The following TMPPE variants were observed in gnomAD, a reference collection of about 807,000 sequenced individuals.
TMPPE encodes the protein transmembrane protein with metallophosphoesterase domain.
TMPPE carries 16 observed loss-of-function variants against 22.6 expected under a neutral mutation model. The ratio of observed to expected loss-of-function variants is 0.71; its 90% CI spans 0.48 to 1.08. TMPPE has a LOEUF of 1.08. Ranked by LOEUF, TMPPE falls within the 50% of genes least tolerant of loss-of-function variation. The probability of loss-of-function intolerance (pLI) is 0.00; values close to 1 mark genes in which losing one functional copy is unlikely to be tolerated. For missense variants in TMPPE, 526 were observed against 584.3 expected (o/e 0.90, Z 1.03); for synonymous variants, 240 against 245.3 (o/e 0.98, Z 0.20).
In TMPPE at chr3:33,091,012, A is replaced by G; in HGVS notation, c.*1822T>C. ...GATGTAAAATCAAGAAACCAGTGAAATAACACGTAACAGGTGAGTCAAACA... is the reference window on the plus strand; with the variant it reads ...GATGTAAAATCAAGAAACCAGTGAAGTAACACGTAACAGGTGAGTCAAACA... On this transcript the variant is annotated 3_prime_UTR_variant, in exon 2 of 2. Transcript: ENST00000342462. 1.0e-6 allele frequency: 1 copy of G among 985,452 alleles called. No homozygotes were observed. Among genetic ancestry groups the G allele is most frequent in the African/African-American group, 1.7e-5 (1 of 57,366 alleles). 61.0% of individuals were successfully genotyped at this position (985,452 alleles called of 1,614,324 possible). A position where few individuals can be genotyped will look rare whatever the true frequency, so the allele number is the denominator to read the frequency against.
rs539359285 is a variant in TMPPE, at chr3:33,095,186, G to C, written c.-108-883C>G. ...AGATCGTGCCACTGCACTCCAGCCT[G>C]GGCAAAAGAGCGAGACTCTGTCTCA... On this transcript the variant is annotated intron_variant, in intron 1 of 1. Coordinates refer to ENST00000342462, the MANE Select transcript of TMPPE (RefSeq NM_001039770.3). Among the ~76,000 whole-genome samples, 7 of 135,410 alleles carry C rather than the reference G, an allele frequency of 5.2e-5. No homozygotes were observed. The East Asian group carries it at 1.3e-3, about 26-fold the overall frequency. The allele number at this position is 135,410 out of a possible 152,430, so 88.8% of individuals were successfully genotyped here. A position where few individuals can be genotyped will look rare whatever the true frequency, so the allele number is the denominator to read the frequency against.
At chr3:33,096,534 G>A (rs1214714425) in intron 1 of TMPPE, 185 bp downstream of exon 1, 1 of 985,316 alleles carries the variant, frequency 1.0e-6, no homozygotes, top group Non-Finnish European at 1.2e-6. Flanking sequence ...GCACCCAGAG[G>A]GGAAATAACC....
Position 33,091,830 on chromosome 3 carries a change from T to C in TMPPE, c.*1004A>G, listed in dbSNP as rs1700776490. The C allele has an allele frequency of 1.0e-6, 1 of 985,420 alleles. No individual in the cohort carries two copies. The highest frequency in any genetic ancestry group is 1.2e-6 in the Non-Finnish European group (1 of 829,968). 61.0% of individuals were successfully genotyped at this position (985,420 alleles called of 1,614,324 possible). A position where few individuals can be genotyped will look rare whatever the true frequency, so the allele number is the denominator to read the frequency against. On this transcript the variant is annotated 3_prime_UTR_variant, in exon 2 of 2. Coordinates refer to ENST00000342462, the MANE Select transcript of TMPPE (RefSeq NM_001039770.3). ...CCAGCAGGAAACCAGCCCAGCCCTGTCTTCTCAGTGAGGCCTTTTCTAACA... is the reference window on the plus strand; with the variant it reads ...CCAGCAGGAAACCAGCCCAGCCCTGCCTTCTCAGTGAGGCCTTTTCTAACA...
rs761192929 is a variant in TMPPE, at chr3:33,092,912, G to A, written c.1284C>T (p.Gly428=). ...TCATGGGTATCCCGTAGTAGGCTGT[G>A]CCTGGGCTGACATACACGAATGTAG... ...AQATFVYVSP[G]TAYYGIPMRL... The change falls in exon 2 of 2, where the codon GGC becomes GGT. Residue 428 remains glycine (G), a synonymous_variant. Transcript: ENST00000342462. The A allele has an allele frequency of 1.2e-6, 2 of 1,614,196 alleles. No homozygotes were observed. The highest frequency in any genetic ancestry group is 1.1e-5 in the South Asian group (1 of 91,086).
In TMPPE at chr3:33,090,588, G is replaced by C; in HGVS notation, c.*2246C>G. ...AAAGAATGATCAAGCTTCAAGTAAC[G>C]TTTCTCACCACCTCCCCCGGCCACA... On this transcript the variant is annotated 3_prime_UTR_variant, in exon 2 of 2. Coordinates refer to ENST00000342462, the MANE Select transcript of TMPPE (RefSeq NM_001039770.3). 1 of 985,300 alleles carries C rather than the reference G, an allele frequency of 1.0e-6. No homozygotes were observed. Among genetic ancestry groups the C allele is most frequent in the East Asian group, 1.1e-4 (1 of 8,814 alleles). The allele number at this position is 985,300 out of a possible 1,614,324, so 61.0% of individuals were successfully genotyped here. A position where few individuals can be genotyped will look rare whatever the true frequency, so the allele number is the denominator to read the frequency against.
chr3:33,093,851 G>A lies in TMPPE; in HGVS notation c.345C>T (p.Ser115=). The change falls in exon 2 of 2, where the codon TCC becomes TCT. Residue 115 remains serine (S), a synonymous_variant. Transcript: ENST00000342462. The surrounding 1 kb of genome is among the most constrained non-coding windows in gnomAD (Gnocchi z 6.0). ...FLVAEEPYLF[S]LAAYSCLGAY... ...CACCCAGGCAGGAGTAGGCCGCCAA[G>A]GAAAAGAGATAGGGCTCTTCGGCCA... is the stretch of plus-strand genomic sequence containing the variant. 6.2e-7 allele frequency: 1 copy of A among 1,613,740 alleles called. No individual in the cohort carries two copies. Among genetic ancestry groups the A allele is most frequent in the Non-Finnish European group, 8.5e-7 (1 of 1,179,814 alleles).
rs992755520 is a variant in TMPPE at position 33,093,351 on chromosome 3, G to T, written c.845C>A (p.Thr282Lys). ...TGCAAACCAGTTGCTGACATCTGAC[G>T]TGTAGTACTCATGATTGCCTGTGAC... ...YFVTGNHEYY[T>K]SDVSNWFALL... Residue 282 changes from threonine (T) to lysine (K), a missense_variant, in exon 2 of 2, where the codon ACG becomes AAG. By Grantham distance (78) the Thr-to-Lys change is moderately conservative (BLOSUM62 -1). Coordinates refer to ENST00000342462, the MANE Select transcript of TMPPE (RefSeq NM_001039770.3). This position sits in a 1 kb window ranked among gnomAD's most constrained non-coding sequence, Gnocchi z 6.0. 19 of 1,614,052 alleles carry T rather than the reference G, an allele frequency of 1.2e-5. No individual in the cohort carries two copies. The highest frequency in any genetic ancestry group is 1.6e-5 in the Non-Finnish European group (19 of 1,180,040).
chr3:33,093,598 G>C lies in TMPPE; in HGVS notation c.598C>G (p.Leu200Val). The part of the protein sequence containing the change: ...VKTVEVPIHQ[L>V]PASMNNLKIV... ...TTGAGGTTGTTCATTGAGGCAGGCAGCTGATGGATGGGCACCTCCACAGTT... is the reference window on the plus strand; with the variant it reads ...TTGAGGTTGTTCATTGAGGCAGGCACCTGATGGATGGGCACCTCCACAGTT... The change falls in exon 2 of 2, where the codon CTG (leucine) becomes GTG (valine). Residue 200 changes from leucine (L) to valine (V), a missense_variant. Leu to Val is a conservative substitution (Grantham distance 32, BLOSUM62 1). Coordinates refer to ENST00000342462, the MANE Select transcript of TMPPE (RefSeq NM_001039770.3). This position sits in a 1 kb window ranked among gnomAD's most constrained non-coding sequence, Gnocchi z 6.0. 6.2e-7 allele frequency: 1 copy of C among 1,614,188 alleles called. No individual in the cohort carries two copies. The highest frequency in any genetic ancestry group is 8.5e-7 in the Non-Finnish European group (1 of 1,180,028).
At position 33,093,999 on chromosome 3, in the gene TMPPE, C is replaced by T. The variant is rs1295528940; in HGVS notation, c.197G>A (p.Ser66Asn). ...GGAGTGGCAGAGGTTGCTCACTGTG[C>T]TGCGCCAAATGTAGAGGGAGCCAAT... ...LLIGSLYIWR[S>N]TVSNLCHSPA... The change falls in exon 2 of 2, where the codon AGC becomes AAC. Residue 66 changes from serine (S) to asparagine (N), a missense_variant. Coordinates refer to ENST00000342462, the MANE Select transcript of TMPPE (RefSeq NM_001039770.3). The surrounding 1 kb of genome is among the most constrained non-coding windows in gnomAD (Gnocchi z 6.0). 1.8e-5 allele frequency: 29 copies of T among 1,614,182 alleles called. No homozygotes were observed. Among genetic ancestry groups the T allele is most frequent in the Non-Finnish European group, 2.4e-5 (28 of 1,180,020 alleles).
intron 1 of TMPPE, chr3:33,096,490 G>C (rs1701033592): frequency 2.0e-6 from 2 of 985,056 alleles, no homozygotes; most frequent in Admixed American, 1.2e-4. Flanking sequence ...GACGGGGAGT[G>C]GTGAGAAAGG....
rs776617871 is a variant in TMPPE at position 33,093,487 on chromosome 3, C to T, written c.709G>A (p.Glu237Lys). The T allele has an allele frequency of 1.5e-5, 25 of 1,614,192 alleles. No individual in the cohort carries two copies. The highest frequency in any genetic ancestry group is 2.0e-5 in the Non-Finnish European group (24 of 1,180,044). ...CCCACAATCACCGTGATGTCTGGTT[C>T]CAGCACATTCACCATCCTCACAAAC... is the stretch of plus-strand genomic sequence containing the variant. ...EMFVRMVNVLEPDITVIVGDL... is the reference protein window; with the variant it reads ...EMFVRMVNVLKPDITVIVGDL... Residue 237 changes from glutamate to lysine, a missense_variant, in exon 2 of 2, where the codon GAA becomes AAA. Physicochemically the swap from Glu to Lys is moderately conservative, Grantham distance 56 (BLOSUM62 1). Transcript: ENST00000342462. The surrounding 1 kb of genome is among the most constrained non-coding windows in gnomAD (Gnocchi z 6.0).
In TMPPE at chr3:33,091,141, G is replaced by A. The variant is rs1013358820; in HGVS notation, c.*1693C>T. ...GGAGTAAGGATGATTCACAAAATGC[G>A]GTCGGGACACAAGAAAAGTGAGTTT... On this transcript the variant is annotated 3_prime_UTR_variant, in exon 2 of 2. Transcript: ENST00000342462. 55 of 985,240 alleles carry A rather than the reference G, an allele frequency of 5.6e-5. No individual in the cohort carries two copies. The highest frequency in any genetic ancestry group is 1.2e-4 in the African/African-American group (7 of 57,196). The allele number at this position is 985,240 out of a possible 1,614,324, so 61.0% of individuals were successfully genotyped here. A position where few individuals can be genotyped will look rare whatever the true frequency, so the allele number is the denominator to read the frequency against.
Position 33,096,745 on chromosome 3 carries a change from G to A in TMPPE, c.-135C>T, listed in dbSNP as rs1701047543. The A allele has an allele frequency of 1.1e-5, 14 of 1,304,492 alleles. No individual in the cohort carries two copies. The South Asian group carries it at 1.2e-4, about 11-fold the overall frequency. The allele number at this position is 1,304,492 out of a possible 1,614,324, so 80.8% of individuals were successfully genotyped here. A position where few individuals can be genotyped will look rare whatever the true frequency, so the allele number is the denominator to read the frequency against. ...TCGTCTCAACACCTCGTTACAGATGGGGAAGTGGATCCAAGCGCAAAGGGC... is the reference window on the plus strand; with the variant it reads ...TCGTCTCAACACCTCGTTACAGATGAGGAAGTGGATCCAAGCGCAAAGGGC... On this transcript the variant is annotated 5_prime_UTR_variant, in exon 1 of 2. Coordinates refer to ENST00000342462, the MANE Select transcript of TMPPE (RefSeq NM_001039770.3).
Position 33,096,667 on chromosome 3 carries a change from G to T in TMPPE, c.-109+52C>A, listed in dbSNP as rs1023527233. On this transcript the variant is annotated intron_variant, in intron 1 of 1. Transcript: ENST00000342462. ...GAGCCGGAGGCACCCTCTAACCCGC[G>T]CAACTTGGAATCCCCTCCCGGAAAG... 1.9e-5 allele frequency: 22 copies of T among 1,128,866 alleles called. No homozygotes were observed. In the African/African-American group the frequency reaches 3.5e-4, roughly 18 times the overall value. 69.9% of individuals were successfully genotyped at this position (1,128,866 alleles called of 1,614,324 possible).
chr3:33,096,520 G>A, intron 1 of TMPPE, 199 bp downstream of exon 1: 2 of 985,358 alleles, frequency 2.0e-6, no homozygotes, highest in Non-Finnish European at 2.4e-6. Flanking sequence ...CACGAAGAGG[G>A]AGAGCACCCA....
intron 1 of TMPPE, among the ~76,000 whole-genome samples, chr3:33,095,702 T>TTC (rs759386487): frequency 1.3e-5 from 2 of 152,132 alleles, no homozygotes; most frequent in Non-Finnish European, 2.9e-5. Flanking sequence ...TCATAAATCC[T>TTC]TCTCTCTCTC....
In TMPPE at chr3:33,093,799, A is replaced by T. The variant is rs749561178; in HGVS notation, c.397T>A (p.Phe133Ile). 6.2e-7 allele frequency: 1 copy of T among 1,613,524 alleles called. No individual in the cohort carries two copies. The highest frequency in any genetic ancestry group is 1.1e-5 in the South Asian group (1 of 90,980). Residue 133 changes from phenylalanine to isoleucine, a missense_variant, in exon 2 of 2, where the codon TTC becomes ATC. Phe to Ile is a conservative substitution (Grantham distance 21). Transcript: ENST00000342462. The surrounding 1 kb of genome is among the most constrained non-coding windows in gnomAD (Gnocchi z 6.0). ...GAYIIMLFFL[F>I]ILSGMEQAYQ... ...GCCTGCTCCATGCCGCTGAGGATGAAGAGGAAGAAGAGCATGATGATGTAA... is the reference window on the plus strand; with the variant it reads ...GCCTGCTCCATGCCGCTGAGGATGATGAGGAAGAAGAGCATGATGATGTAA...
intron 1 of TMPPE, 125 bp from the exon 2 acceptor site, chr3:33,094,428 T>C: frequency 8.7e-7 from 1 of 1,149,206 alleles, no homozygotes; most frequent in East Asian, 2.9e-5. Flanking sequence ...TACCAGTCAG[T>C]TGCTAGCTAT....
Position 33,093,139 on chromosome 3 carries a change from T to C in TMPPE, c.1057A>G (p.Lys353Glu). 6.2e-7 allele frequency: 1 copy of C among 1,614,174 alleles called. No individual in the cohort carries two copies. The highest frequency in any genetic ancestry group is 8.5e-7 in the Non-Finnish European group (1 of 1,180,022). Residue 353 changes from lysine (K) to glutamate (E), a missense_variant, in exon 2 of 2, where the codon AAG becomes GAG. Physicochemically the swap from Lys to Glu is moderately conservative, Grantham distance 56. Coordinates refer to ENST00000342462, the MANE Select transcript of TMPPE (RefSeq NM_001039770.3). This position sits in a 1 kb window ranked among gnomAD's most constrained non-coding sequence, Gnocchi z 6.0. ...HYSGHGMDLD[K>E]ALEGCSPDHT... ...TCTGGGCTGCAGCCCTCCAGGGCCTTGTCAAGATCCATGCCATGGCCAGAG... is the reference window on the plus strand; with the variant it reads ...TCTGGGCTGCAGCCCTCCAGGGCCTCGTCAAGATCCATGCCATGGCCAGAG...
Sources: allele counts gnomAD v4.1 joint callset (sites outside exome capture counted in the v4.1 genomes callset), GRCh38; gene constraint gnomAD v4.1.1; non-coding constraint Gnocchi (gnomAD v3.1); transcripts MANE v1.5; gene names NCBI Gene and HGNC (gene_info 2026-07-23, HGNC 2026-07-21).